Variants in TSPAN9 observed in about 807,000 individuals in gnomAD.
TSPAN9 encodes the protein tetraspanin-9.
In TSPAN9, 16 loss-of-function variants were observed where a neutral mutation model predicts 31.0. That is an observed-to-expected ratio of 0.52 (90% confidence interval 0.35 to 0.78). TSPAN9 has a LOEUF of 0.78. Ranked by LOEUF, TSPAN9 falls within the 30% of genes least tolerant of loss-of-function variation. The pLI is 0.01. For missense variants in TSPAN9, 272 were observed against 312.5 expected (o/e 0.87, Z 0.98); for synonymous variants, 145 against 121.6 (o/e 1.19, Z -1.27).
chr12:3,256,651 A>G (rs1029537826), intron 3 of TSPAN9, among the ~76,000 whole-genome samples: 2 of 152,186 alleles, frequency 1.3e-5, no homozygotes, highest in African/African-American at 4.8e-5. Context: ...TCAGGAGGTC[A>G]GATAAGCTCC....
intron 3 of TSPAN9, among the ~76,000 whole-genome samples, chr12:3,244,570 G>A (rs1041944105): frequency 1.3e-5 from 2 of 152,172 alleles, no homozygotes; most frequent in African/African-American, 4.8e-5. Context: ...TTAGGAGAAC[G>A]CACTCTCGAG....
chr12:3,252,510 TC>T (rs547702667), intron 3 of TSPAN9, among the ~76,000 whole-genome samples: 2 of 152,256 alleles, frequency 1.3e-5, no homozygotes, highest in South Asian at 4.1e-4. Flanking sequence ...GTCCCTGCAC[TC>T]CCAGAGCTCC....
chr12:3,089,440 GCA>G (rs1159141445), intron 2 of TSPAN9, among the ~76,000 whole-genome samples: 38 of 150,992 alleles, frequency 2.5e-4, no homozygotes, highest in Non-Finnish European at 5.2e-4. Context: ...GGGATTACAG[GCA>G]TGTGCCACCA....
intron 3 of TSPAN9, among the ~76,000 whole-genome samples, chr12:3,250,550 TC>T (rs1171313421): frequency 6.6e-6 from 1 of 152,138 alleles, no homozygotes; most frequent in Non-Finnish European, 1.5e-5. Flanking sequence ...GGGCCATTAT[TC>T]CCTTTCCTCT....
At chr12:3,108,463 C>T (rs569710206) in intron 2 of TSPAN9, among the ~76,000 whole-genome samples, 4 of 152,292 alleles carry the variant, frequency 2.6e-5, no homozygotes, top group East Asian at 3.9e-4. Context: ...TGGCTTTTCT[C>T]TCTGGAGTCT....
chr12:3,282,967 C>G, intron 8 of TSPAN9, 78 bp from the exon 9 acceptor site: 1 of 1,467,886 alleles, frequency 6.8e-7, no homozygotes, highest in African/African-American at 1.4e-5. Context: ...TGCCCTGTGA[C>G]ATCCCAAGCC....
chr12:3,099,439 G>T (rs148929546), intron 2 of TSPAN9, among the ~76,000 whole-genome samples: 10 of 152,158 alleles, frequency 6.6e-5, no homozygotes, highest in African/African-American at 2.4e-4. Context: ...GCTTTGGAGC[G>T]TACTTACAAT....
At chr12:3,214,355 G>A (rs760577549) in intron 3 of TSPAN9, among the ~76,000 whole-genome samples, 19 of 152,194 alleles carry the variant, frequency 1.2e-4, no homozygotes, top group Non-Finnish European at 1.5e-4. Flanking sequence ...CCTGGACTAC[G>A]TGTGTGCTCA....
At chr12:3,190,268 T>A (rs766644163) in intron 2 of TSPAN9, among the ~76,000 whole-genome samples, 5 of 152,206 alleles carry the variant, frequency 3.3e-5, no homozygotes, top group Non-Finnish European at 5.9e-5. Context: ...GTGGAGTGGT[T>A]TAGGAATATT....
chr12:3,277,021 A>T (rs1862801798), intron 3 of TSPAN9, among the ~76,000 whole-genome samples: 1 of 152,168 alleles, frequency 6.6e-6, no homozygotes, highest in East Asian at 1.9e-4. Flanking sequence ...TGGAGTCAGC[A>T]TAGTCTGCAC....
At chr12:3,081,313 C>T (rs976745822) in intron 1 of TSPAN9, among the ~76,000 whole-genome samples, 1 of 152,142 alleles carries the variant, frequency 6.6e-6, no homozygotes, top group Non-Finnish European at 1.5e-5. Context: ...GGATCTAATC[C>T]CGGTGCATTC....
At chr12:3,240,199 A>T (rs2098395893) in intron 3 of TSPAN9, among the ~76,000 whole-genome samples, 1 of 152,106 alleles carries the variant, frequency 6.6e-6, no homozygotes, top group Admixed American at 6.5e-5. Flanking sequence ...AGCAGGTCCC[A>T]GACATCCTGT....
At chr12:3,211,926 G>C in intron 3 of TSPAN9, 1 of 1,405,704 alleles carries the variant, frequency 7.1e-7, no homozygotes, top group Non-Finnish European at 9.9e-7. Flanking sequence ...ATGTTCTCGT[G>C]TGCGTAGGTC....
At chr12:3,104,752 T>A (rs74057531) in intron 2 of TSPAN9, among the ~76,000 whole-genome samples, 4 of 152,146 alleles carry the variant, frequency 2.6e-5, no homozygotes, top group African/African-American at 9.7e-5. Flanking sequence ...TTACTCCAAT[T>A]TACTTAGCAA....
chr12:3,278,367 C>G (rs928863525), intron 3 of TSPAN9, 54 bp from the exon 4 acceptor site: 13 of 1,598,518 alleles, frequency 8.1e-6, no homozygotes, highest in Middle Eastern at 1.7e-4. Flanking sequence ...GTTCCCAGGT[C>G]CATGGACGAA....
intron 2 of TSPAN9, among the ~76,000 whole-genome samples, chr12:3,132,807 C>G (rs1447299772): frequency 6.6e-6 from 1 of 152,150 alleles, no homozygotes; most frequent in Non-Finnish European, 1.5e-5. Context: ...TCTCCCATCC[C>G]TAGTGGACCG....
chr12:3,077,605 C>T (rs1462183840), intron 1 of TSPAN9, among the ~76,000 whole-genome samples, 152 bp downstream of exon 1: 1 of 150,322 alleles, frequency 6.7e-6, no homozygotes, highest in Non-Finnish European at 1.5e-5. Flanking sequence ...GCAGTGTGGG[C>T]AGGGCGGCGG....
intron 2 of TSPAN9, among the ~76,000 whole-genome samples, chr12:3,129,588 A>G (rs1040680073): frequency 2.6e-4 from 39 of 152,212 alleles, no homozygotes; most frequent in Middle Eastern, 3.4e-3. Flanking sequence ...TTGGCACTCA[A>G]TTTGTCCACT....
intron 3 of TSPAN9, among the ~76,000 whole-genome samples, chr12:3,213,342 G>C (rs1013887963): frequency 2.0e-5 from 3 of 152,174 alleles, no homozygotes; most frequent in African/African-American, 7.2e-5. Flanking sequence ...CCCTCTCAAG[G>C]GGGGCTTCCC....
Sources: allele counts gnomAD v4.1 joint callset (sites outside exome capture counted in the v4.1 genomes callset), GRCh38; gene constraint gnomAD v4.1.1; transcripts MANE v1.5; gene names NCBI Gene and HGNC (gene_info 2026-07-23, HGNC 2026-07-21).